Variants in ZNF496 observed in about 807,000 individuals in gnomAD.
ZNF496 encodes NSD1 (nuclear receptor binding SET-domain containing 1)-interacting zinc finger protein 1.
In ZNF496, 11 loss-of-function variants were observed where a neutral mutation model predicts 58.9. That is an observed-to-expected ratio of 0.19 (90% CI 0.12 to 0.31). The LOEUF (loss-of-function observed/expected upper bound fraction) is 0.31, where lower values mean the gene tolerates loss of function less well. Ranked by LOEUF, ZNF496 falls within the 10% of genes least tolerant of loss-of-function variation. ZNF496 has a pLI of 1.00. For missense variants in ZNF496, 660 were observed against 783.0 expected (o/e 0.84, Z 1.88); for synonymous variants, 338 against 318.2 (o/e 1.06, Z -0.66).
intron 9 of ZNF496, chr1:247,307,904 C>T: frequency 3.0e-6 from 3 of 985,392 alleles, no homozygotes; most frequent in Non-Finnish European, 3.6e-6. Flanking sequence ...TACACTGTGG[C>T]TATTTCTCTG....
Position 247,309,447 on chromosome 1 carries a change from G to A in ZNF496, c.892+252C>T. On this transcript the variant is annotated intron_variant, in intron 8 of 9. Coordinates refer to ENST00000682384, the MANE Select transcript of ZNF496 (RefSeq NM_032752.3). This position sits in a 1 kb window ranked among gnomAD's most constrained non-coding sequence, Gnocchi z 4.3. ...AACCAGATGTTACTTACAGGCAGAGGAGAAAGACATTCCTATTATTTCCCA... is the reference window on the plus strand; with the variant it reads ...AACCAGATGTTACTTACAGGCAGAGAAGAAAGACATTCCTATTATTTCCCA... 1.5e-6 allele frequency: 2 copies of A among 1,346,818 alleles called. No individual in the cohort carries two copies. Among genetic ancestry groups the A allele is most frequent in the African/African-American group, 1.5e-5 (1 of 67,966 alleles). The allele number at this position is 1,346,818 out of a possible 1,614,324, so 83.4% of individuals were successfully genotyped here.
chr1:247,306,872 G>A (rs553257393), intron 9 of ZNF496, among the ~76,000 whole-genome samples: 1 of 152,222 alleles, frequency 6.6e-6, no homozygotes, highest in African/African-American at 2.4e-5. Context: ...TTCAGCTCTC[G>A]GGTGCCCCAG....
chr1:247,326,067 T>TAC (rs1231212671), intron 5 of ZNF496, among the ~76,000 whole-genome samples: 2 of 138,506 alleles, frequency 1.4e-5, no homozygotes, highest in African/African-American at 2.6e-5. Flanking sequence ...CACACACATA[T>TAC]ATACACACAC....
intron 9 of ZNF496, among the ~76,000 whole-genome samples, chr1:247,305,903 G>T (rs571145954): frequency 1.3e-5 from 2 of 152,232 alleles, no homozygotes; most frequent in South Asian, 4.1e-4. Context: ...AACATAAAGA[G>T]ACCCCATCTT....
At position 247,300,631 on chromosome 1, in the gene ZNF496, C is replaced by A; in HGVS notation, c.1652G>T (p.Arg551Leu). The A allele has an allele frequency of 1.2e-6, 2 of 1,614,138 alleles. No homozygotes were observed. Among genetic ancestry groups the A allele is most frequent in the Non-Finnish European group, 1.7e-6 (2 of 1,180,032 alleles). ...GACGCAGTACCGGCACTGGAAGGGC[C>A]GGGCTTTGTCCTTCAGGTGAAAGTG... ...RSHFHLKDKA[R>L]PFQCRYCVKS... Residue 551 changes from arginine (R) to leucine (L), a missense_variant, in exon 10 of 10, where the codon CGG (arginine) becomes CTG (leucine). By Grantham distance (102) the Arg-to-Leu change is moderately radical. Transcript: ENST00000682384. This position sits in a 1 kb window ranked among gnomAD's most constrained non-coding sequence, Gnocchi z 5.7.
At chr1:247,313,973 G>A (rs558874723) in intron 6 of ZNF496, 1 of 152,282 alleles carries the variant, frequency 6.6e-6, no homozygotes, top group African/African-American at 2.4e-5. Flanking sequence ...TGGGACTCTG[G>A]GGTTAGGTGT....
At chr1:247,322,995 C>T (rs1471395771) in intron 6 of ZNF496, among the ~76,000 whole-genome samples, 159 bp downstream of exon 6, 6 of 152,150 alleles carry the variant, frequency 3.9e-5, no homozygotes, top group African/African-American at 2.4e-5. Context: ...AGAAATGGGG[C>T]GTCTCTTAAG....
chr1:247,320,582 G>C (rs1659931738), intron 6 of ZNF496, among the ~76,000 whole-genome samples: 1 of 152,016 alleles, frequency 6.6e-6, no homozygotes, highest in Non-Finnish European at 1.5e-5. Flanking sequence ...AATACCCTGG[G>C]TGTGACATTG....
chr1:247,307,227 G>A, intron 9 of ZNF496: 1 of 985,400 alleles, frequency 1.0e-6, no homozygotes, highest in Non-Finnish European at 1.2e-6. Context: ...AGCCTTTTAG[G>A]AAGGCAAGCT....
chr1:247,328,587 T>A (rs1242473369), intron 5 of ZNF496, 96 bp downstream of exon 5: 1 of 1,300,206 alleles, frequency 7.7e-7, no homozygotes, highest in Admixed American at 2.6e-5. Flanking sequence ...ACTGCTGATG[T>A]AAAAGCCATC....
intron 2 of ZNF496, among the ~76,000 whole-genome samples, chr1:247,330,297 A>G (rs1210439729): frequency 1.3e-5 from 2 of 152,220 alleles, no homozygotes; most frequent in Non-Finnish European, 2.9e-5. Flanking sequence ...CACTGCATCT[A>G]GAAGTATCAG....
rs758923978 is a variant in ZNF496 at position 247,310,455 on chromosome 1, C to A, written c.653G>T (p.Ser218Ile). The A allele has an allele frequency of 2.5e-6, 4 of 1,614,042 alleles. No homozygotes were observed. Among genetic ancestry groups the A allele is most frequent in the Non-Finnish European group, 3.4e-6 (4 of 1,180,030 alleles). The change falls in exon 7 of 10, where the codon AGT becomes ATT. Residue 218 changes from serine to isoleucine, a missense_variant and splice_region_variant. Coordinates refer to ENST00000682384, the MANE Select transcript of ZNF496 (RefSeq NM_032752.3). ...QQVTTLQLPP[S>I]RVSPFKDMIL... ...CATGTCCTTGAATGGAGAAACCCGA[C>A]TCTGAAAGCACAGGAGAACAGGGAT...
Position 247,309,413 on chromosome 1 carries a change from G to A in ZNF496, c.892+286C>T, listed in dbSNP as rs147999556. 8.2e-5 allele frequency: 103 copies of A among 1,255,600 alleles called. No individual in the cohort carries two copies. In the Middle Eastern group the frequency reaches 1.9e-3, roughly 23 times the overall value. 77.8% of individuals were successfully genotyped at this position (1,255,600 alleles called of 1,614,324 possible). A position where few individuals can be genotyped will look rare whatever the true frequency, so the allele number is the denominator to read the frequency against. ...TCACTCCTGGAGGGGCTGCTGCATTGTCAGCACAAACCAGATGTTACTTAC... is the reference window on the plus strand; with the variant it reads ...TCACTCCTGGAGGGGCTGCTGCATTATCAGCACAAACCAGATGTTACTTAC... On this transcript the variant is annotated intron_variant, in intron 8 of 9. Coordinates refer to ENST00000682384, the MANE Select transcript of ZNF496 (RefSeq NM_032752.3). The surrounding 1 kb of genome is among the most constrained non-coding windows in gnomAD (Gnocchi z 4.3).
Position 247,328,780 on chromosome 1 carries a change from G to C in ZNF496, c.477C>G (p.His159Gln). 1 of 1,613,834 alleles carries C rather than the reference G, an allele frequency of 6.2e-7. No individual in the cohort carries two copies. Among genetic ancestry groups the C allele is most frequent in the Non-Finnish European group, 8.5e-7 (1 of 1,179,908 alleles). The change falls in exon 5 of 10, where the codon CAC becomes CAG. Residue 159 changes from histidine to glutamine, a missense_variant. His to Gln is a conservative substitution (Grantham distance 24). Transcript: ENST00000682384. ...QEQEQLPVEP[H>Q]SDLAKNQDAQ... ...CATCCTGGTTCTTTGCAAGGTCGCT[G>C]TGGGGCTCTACCGGCAGCTGCTCCT...
chr1:247,304,614 C>T (rs997757827), intron 9 of ZNF496, among the ~76,000 whole-genome samples: 1 of 152,090 alleles, frequency 6.6e-6, no homozygotes, highest in Non-Finnish European at 1.5e-5. Flanking sequence ...TCAGGTGATC[C>T]GCCTGCCTCG....
chr1:247,309,254 C>G lies in ZNF496; in HGVS notation c.892+445G>C. 1.2e-5 allele frequency: 5 copies of G among 413,594 alleles called. No homozygotes were observed. The highest frequency in any genetic ancestry group is 1.7e-5 in the Non-Finnish European group (5 of 300,270). The allele number at this position is 413,594 out of a possible 1,614,324, so 25.6% of individuals were successfully genotyped here. A position where few individuals can be genotyped will look rare whatever the true frequency, so the allele number is the denominator to read the frequency against. ...TGCTGAGCCCCAGCACCTCCCCACA[C>G]CCCAGTGTCCTCACAGCACCCCTGT... On this transcript the variant is annotated intron_variant, in intron 8 of 9. Coordinates refer to ENST00000682384, the MANE Select transcript of ZNF496 (RefSeq NM_032752.3). This position sits in a 1 kb window ranked among gnomAD's most constrained non-coding sequence, Gnocchi z 4.3.
intron 5 of ZNF496, among the ~76,000 whole-genome samples, chr1:247,323,768 G>GA (rs74163752): frequency 0.36 from 49,599 of 139,026 alleles, 8,888 homozygotes; most frequent in East Asian, 0.53. Context: ...AAAAGAAAAA[G>GA]AAAAAAAAAA....
At chr1:247,301,914 T>C (rs1273721022) in intron 9 of ZNF496, among the ~76,000 whole-genome samples, 1 of 152,112 alleles carries the variant, frequency 6.6e-6, no homozygotes, top group Non-Finnish European at 1.5e-5. Flanking sequence ...CTGCCCAGAG[T>C]CCTGGGTCCC....
chr1:247,321,711 G>A (rs1659970138), intron 6 of ZNF496, among the ~76,000 whole-genome samples: 2 of 152,216 alleles, frequency 1.3e-5, no homozygotes, highest in African/African-American at 4.8e-5. Context: ...GGAATTGAAA[G>A]ATGAAGACCA....
Sources: allele counts gnomAD v4.1 joint callset (sites outside exome capture counted in the v4.1 genomes callset), GRCh38; gene constraint gnomAD v4.1.1; non-coding constraint Gnocchi (gnomAD v3.1); transcripts MANE v1.5; gene names NCBI Gene and HGNC (gene_info 2026-07-23, HGNC 2026-07-21).